RFC3: variants seen among roughly 807,000 people sequenced by gnomAD.
RFC3 encodes the protein replication factor C subunit 3.
RFC3 carries 41 observed loss-of-function variants against 45.1 expected under a neutral mutation model. The observed-to-expected ratio is 0.91, with a 90% CI of 0.71 to 1.18. RFC3 has a LOEUF of 1.18. Ranked by LOEUF, RFC3 falls within the 50% of genes most tolerant of loss-of-function variation. The pLI, the probability that RFC3 is intolerant of heterozygous loss-of-function variation, is 0.00. For missense variants in RFC3, 423 were observed against 428.1 expected (o/e 0.99, Z 0.10); for synonymous variants, 149 against 144.0 (o/e 1.03, Z -0.25).
chr13:33,906,081 A>G (rs2082670274), intron 8 of RFC3, among the ~76,000 whole-genome samples: 1 of 152,132 alleles, frequency 6.6e-6, no homozygotes, highest in Non-Finnish European at 1.5e-5. Flanking sequence ...CTATGCATAC[A>G]GTGTTACTTA....
At chr13:33,833,017 G>A (rs751700564) in intron 7 of RFC3, among the ~76,000 whole-genome samples, 2 of 152,118 alleles carry the variant, frequency 1.3e-5, no homozygotes, top group Non-Finnish European at 2.9e-5. Flanking sequence ...TGCAGGAAGC[G>A]GTGCTCCTGT....
At chr13:33,854,369 G>A (rs936593560) in intron 8 of RFC3, among the ~76,000 whole-genome samples, 2 of 152,164 alleles carry the variant, frequency 1.3e-5, no homozygotes, top group Non-Finnish European at 2.9e-5. Flanking sequence ...AGAAGAAAAA[G>A]GACTGGTTTA....
At chr13:33,879,874 A>G (rs1254251313) in intron 8 of RFC3, among the ~76,000 whole-genome samples, 1 of 152,188 alleles carries the variant, frequency 6.6e-6, no homozygotes, top group Admixed American at 6.5e-5. Flanking sequence ...TGCCTTTCCC[A>G]GCTTCCAGAG....
At chr13:33,833,637 A>G (rs1481049491) in intron 7 of RFC3, among the ~76,000 whole-genome samples, 2 of 152,186 alleles carry the variant, frequency 1.3e-5, no homozygotes, top group African/African-American at 2.4e-5. Flanking sequence ...AGTTACTTCA[A>G]TTGTATAGGT....
At chr13:33,910,145 A>G (rs79661462) in intron 8 of RFC3, among the ~76,000 whole-genome samples, 3,112 of 152,172 alleles carry the variant, frequency 0.02, 50 homozygotes, top group Middle Eastern at 0.071. Flanking sequence ...TCATTCAACT[A>G]CTTACCCAAT....
chr13:33,909,082 A>T (rs147775220), intron 8 of RFC3, among the ~76,000 whole-genome samples: 125 of 152,234 alleles, frequency 8.2e-4, no homozygotes, highest in African/African-American at 2.8e-3. Context: ...ACTCAAGTTA[A>T]CATATAAAAT....
At position 33,818,254 on chromosome 13, in the gene RFC3, C is replaced by T. The variant is rs1198371426; in HGVS notation, c.76C>T (p.Leu26=). 1.2e-6 allele frequency: 2 copies of T among 1,613,348 alleles called. No individual in the cohort carries two copies. The highest frequency in any genetic ancestry group is 4.5e-5 in the East Asian group (2 of 44,894). The change falls in exon 1 of 9, where the codon CTG becomes TTG. Residue 26 remains leucine (L), a synonymous_variant. Transcript: ENST00000380071. The part of the protein sequence containing the change: ...LDYHKEQAAQ[L]RNLVQCGDFP... ...CTATCACAAGGAGCAGGCGGCCCAG[C>T]TGCGGAACCTGGTGAGTCTGCGGGG...
At chr13:33,934,995 A>T (rs2137783178) in intron 8 of RFC3, among the ~76,000 whole-genome samples, 1 of 151,694 alleles carries the variant, frequency 6.6e-6, no homozygotes, top group East Asian at 1.9e-4. Context: ...ACTGCCTGAA[A>T]CTCTACATTA....
Position 33,836,096 on chromosome 13 carries a change from T to C in RFC3, c.880-8T>C, listed in dbSNP as rs768438949. The stretch of plus-strand genomic sequence containing the variant: ...ATGATTTTTAAATTACTGATTATTT[T>C]TGTTTAGGGCCTTCTCTCAGAACTG... On this transcript the variant is annotated splice_region_variant and splice_polypyrimidine_tract_variant and intron_variant, in intron 8 of 8. Transcript: ENST00000380071. 6.3e-7 allele frequency: 1 copy of C among 1,593,446 alleles called. No individual in the cohort carries two copies. The highest frequency in any genetic ancestry group is 1.1e-5 in the South Asian group (1 of 89,508).
chr13:33,888,524 A>G (rs1422780218), intron 8 of RFC3, among the ~76,000 whole-genome samples: 7 of 152,194 alleles, frequency 4.6e-5, no homozygotes, highest in Admixed American at 6.5e-5. Flanking sequence ...GCGTTACTCT[A>G]TGGATGGATA....
chr13:33,824,272 T>G (rs528036442), intron 3 of RFC3, among the ~76,000 whole-genome samples: 1 of 152,180 alleles, frequency 6.6e-6, no homozygotes, highest in Non-Finnish European at 1.5e-5. Context: ...TTGTTAATTA[T>G]GTTGGCTCAT....
At chr13:33,846,340 G>A (rs1371101367) in intron 8 of RFC3, 2 of 152,220 alleles carry the variant, frequency 1.3e-5, no homozygotes, top group Non-Finnish European at 2.9e-5. Flanking sequence ...GCCAGAGCTG[G>A]GTTCTTCCCT....
chr13:33,829,424 C>G (rs1031912830), intron 4 of RFC3: 1 of 182,972 alleles, frequency 5.5e-6, no homozygotes, highest in East Asian at 1.7e-4. Flanking sequence ...TAAATTTTAG[C>G]GCATATAAAT....
At chr13:33,925,086 T>A (rs1043484268) in intron 8 of RFC3, among the ~76,000 whole-genome samples, 2 of 148,478 alleles carry the variant, frequency 1.3e-5, no homozygotes, top group East Asian at 3.9e-4. Flanking sequence ...TATACACGCA[T>A]ATATAGTGTA....
At chr13:33,953,842 G>GC (rs2083004950) in intron 8 of RFC3, among the ~76,000 whole-genome samples, 1 of 152,106 alleles carries the variant, frequency 6.6e-6, no homozygotes, top group Non-Finnish European at 1.5e-5. Flanking sequence ...TTTTAAAGAA[G>GC]CATAAAACTA....
chr13:33,933,415 T>A (rs553761564), intron 8 of RFC3, among the ~76,000 whole-genome samples: 1 of 152,282 alleles, frequency 6.6e-6, no homozygotes, highest in South Asian at 2.1e-4. Flanking sequence ...GCTTAGTGAT[T>A]GTTTTTTGTT....
intron 8 of RFC3, chr13:33,850,207 TAC>T (rs1425668850): frequency 6.6e-6 from 1 of 152,192 alleles, no homozygotes; most frequent in Non-Finnish European, 1.5e-5. Flanking sequence ...GCTATTATTT[TAC>T]ACAGTTTTTT....
chr13:33,917,114 A>G (rs2082738411), intron 8 of RFC3, among the ~76,000 whole-genome samples: 1 of 152,134 alleles, frequency 6.6e-6, no homozygotes, highest in African/African-American at 2.4e-5. Context: ...ATGCGAATAG[A>G]TTGCAAGACA....
At chr13:33,903,651 C>T (rs2082654857) in intron 8 of RFC3, among the ~76,000 whole-genome samples, 1 of 152,000 alleles carries the variant, frequency 6.6e-6, no homozygotes, top group Admixed American at 6.6e-5. Context: ...AAGAAAATGC[C>T]TCTATGTTTT....
Sources: gnomAD v4.1 joint callset for allele counts (sites outside exome capture counted in the v4.1 genomes callset) on GRCh38, gnomAD v4.1.1 for gene constraint, MANE v1.5 for transcripts, NCBI Gene and HGNC (gene_info 2026-07-23, HGNC 2026-07-21) for gene names.